The following PDE1B variants were observed in gnomAD, a reference collection of about 807,000 sequenced individuals.
PDE1B encodes dual specificity calcium/calmodulin-dependent 3',5'-cyclic nucleotide phosphodiesterase 1B.
In PDE1B, 13 loss-of-function variants were observed where a neutral mutation model predicts 66.7. The ratio of observed to expected loss-of-function variants is 0.19; its 90% confidence interval spans 0.13 to 0.31. The LOEUF (loss-of-function observed/expected upper bound fraction) is 0.31. PDE1B is among the 10% of genes least tolerant of loss of function. The pLI, the probability that PDE1B is intolerant of heterozygous loss-of-function variation, is 1.00. For synonymous variants in PDE1B, 230 were observed against 253.9 expected, an observed-to-expected ratio of 0.91 and a Z score of 0.90; for missense variants, 485 against 682.3, an observed-to-expected ratio of 0.71 and a Z score of 3.22.
rs776953069 is a variant in PDE1B at position 54,576,611 on chromosome 12, G to T, written c.1417G>T (p.Asp473Tyr). ...GCCCTCTCTGGATGTGGAAGTGGGA[G>T]ACCCCAACCCTGATGTGGTCAGCTT... ...RQPSLDVEVG[D>Y]PNPDVVSFRS... Residue 473 changes from aspartate (D) to tyrosine (Y), a missense_variant, in exon 14 of 16, where the codon GAC becomes TAC. Asp to Tyr is a radical substitution (Grantham distance 160, BLOSUM62 -3). Transcript: ENST00000243052. The T allele has an allele frequency of 2.5e-6, 4 of 1,614,074 alleles. No individual in the cohort carries two copies. The highest frequency in any genetic ancestry group is 3.4e-6 in the Non-Finnish European group (4 of 1,180,014).
At chr12:54,570,661 C>T (rs973427365) in intron 6 of PDE1B, 1 of 305,178 alleles carries the variant, frequency 3.3e-6, no homozygotes, top group South Asian at 4.8e-5. Flanking sequence ...GCAGTGTGGA[C>T]ACTGGAGGCC....
rs774810310 is a variant in PDE1B at position 54,573,870 on chromosome 12, A to AGAGTGTGT, written c.1064+162_1064+163insAGTGTGTG. On this transcript the variant is annotated intron_variant, in intron 10 of 15. Transcript: ENST00000243052. This position sits in a 1 kb window ranked among gnomAD's most constrained non-coding sequence, Gnocchi z 5.2. ...GCATCTCTATGTGAGAGAGAGAGAG[A>AGAGTGTGT]GTGTGTGTGTGTGTGTGTGTGTGTG... 0.028 allele frequency: 13,916 copies of AGAGTGTGT among 497,070 alleles called. 160 individuals are homozygous for AGAGTGTGT. Among genetic ancestry groups the AGAGTGTGT allele is most frequent in the Non-Finnish European group, 0.036 (10,157 of 278,706 alleles). The allele number at this position is 497,070 out of a possible 1,614,324, so 30.8% of individuals were successfully genotyped here.
chr12:54,557,973 A>G (rs2121048292), intron 2 of PDE1B, among the ~76,000 whole-genome samples: 1 of 150,298 alleles, frequency 6.7e-6, no homozygotes, highest in East Asian at 2.0e-4. Context: ...TGGAAAGGTG[A>G]CTCATTTGTG....
rs1957570491 is a variant in PDE1B, at chr12:54,569,046, GAGAA to G, written c.228-131_228-128del. On this transcript the variant is annotated intron_variant, in intron 3 of 15. Coordinates refer to ENST00000243052, the MANE Select transcript of PDE1B (RefSeq NM_000924.4). The surrounding 1 kb of genome is among the most constrained non-coding windows in gnomAD (Gnocchi z 4.4). ...TTAGATAAAGAAATAAAAAGATATA[GAGAA>G]AGAAAGGAAACAGGGTTGAAGACAG... 1 of 1,401,330 alleles carries G rather than the reference GAGAA, an allele frequency of 7.1e-7. No homozygotes were observed. The highest frequency in any genetic ancestry group is 9.5e-7 in the Non-Finnish European group (1 of 1,052,788). 86.8% of individuals were successfully genotyped at this position (1,401,330 alleles called of 1,614,324 possible).
chr12:54,569,941 C>T lies in PDE1B; in HGVS notation c.478-300C>T, dbSNP rs895161209. Reference sequence around the variant, plus strand: ...TCTCGAACTCTTGACCTCAAGTGTTCTGCCCACCTCGGTCTCCCAAAGTAT... The same window carrying T: ...TCTCGAACTCTTGACCTCAAGTGTTTTGCCCACCTCGGTCTCCCAAAGTAT... On this transcript the variant is annotated intron_variant, in intron 5 of 15. Coordinates refer to ENST00000243052, the MANE Select transcript of PDE1B (RefSeq NM_000924.4). The surrounding 1 kb of genome is among the most constrained non-coding windows in gnomAD (Gnocchi z 4.4). Among the ~76,000 whole-genome samples the T allele has an allele frequency of 6.6e-6, 1 of 152,170 alleles. No individual in the cohort carries two copies. Among genetic ancestry groups the T allele is most frequent in the African/African-American group, 2.4e-5 (1 of 41,420 alleles).
Position 54,569,283 on chromosome 12 carries a change from C to T in PDE1B, c.327C>T (p.Ala109=). 6.2e-7 allele frequency: 1 copy of T among 1,614,048 alleles called. No homozygotes were observed. Among genetic ancestry groups the T allele is most frequent in the South Asian group, 1.1e-5 (1 of 91,046 alleles). The change falls in exon 4 of 16, where the codon GCC becomes GCT. Residue 109 remains alanine (A), a synonymous_variant. Transcript: ENST00000243052. This position sits in a 1 kb window ranked among gnomAD's most constrained non-coding sequence, Gnocchi z 4.4. ...DWLASTFTQQ[A]RAKGRRAEEK... Reference sequence around the variant, plus strand: ...TGGCCTCCACCTTCACCCAGCAGGCCCGGGCCAAAGGCCGCCGAGCAGAGG... The same window carrying T: ...TGGCCTCCACCTTCACCCAGCAGGCTCGGGCCAAAGGCCGCCGAGCAGAGG...
At chr12:54,574,604 T>C (rs769897017) in intron 10 of PDE1B, 8 of 152,814 alleles carry the variant, frequency 5.2e-5, no homozygotes, top group Non-Finnish European at 8.7e-5. Flanking sequence ...TACTAACCCG[T>C]GCTGCTACCT....
At chr12:54,576,225 C>A in intron 13 of PDE1B, 125 bp downstream of exon 13, 1 of 691,108 alleles carries the variant, frequency 1.4e-6, no homozygotes, top group South Asian at 1.6e-5. Flanking sequence ...CTGCTTCAAG[C>A]TTGGGAGTCC....
In PDE1B at chr12:54,576,971, C is replaced by G. The variant is rs1028960850; in HGVS notation, c.1508-254C>G. ...CACTGTGGTCCCTGTAAATGGTGCC[C>G]CTGTAGATTTGGCTAATTTGGTGGC... On this transcript the variant is annotated intron_variant, in intron 14 of 15. Coordinates refer to ENST00000243052, the MANE Select transcript of PDE1B (RefSeq NM_000924.4). 4 of 604,086 alleles carry G rather than the reference C, an allele frequency of 6.6e-6. No homozygotes were observed. In the Admixed American group the frequency reaches 1.2e-4, roughly 18 times the overall value. 37.4% of individuals were successfully genotyped at this position (604,086 alleles called of 1,614,324 possible). A position where few individuals can be genotyped will look rare whatever the true frequency, so the allele number is the denominator to read the frequency against.
intron 2 of PDE1B, among the ~76,000 whole-genome samples, chr12:54,566,772 T>C (rs779646153): frequency 3.9e-5 from 6 of 152,036 alleles, no homozygotes; most frequent in Non-Finnish European, 5.9e-5. Flanking sequence ...AAACTTTGGG[T>C]GTAGATAAAC....
At chr12:54,566,605 A>G (rs1957520403) in intron 2 of PDE1B, among the ~76,000 whole-genome samples, 1 of 152,200 alleles carries the variant, frequency 6.6e-6, no homozygotes, top group Non-Finnish European at 1.5e-5. Context: ...TATTCAGGCT[A>G]TGAAACAGAT....
At position 54,549,665 on chromosome 12, in the gene PDE1B, C is replaced by T; in HGVS notation, c.-121C>T. ...CGGTGCGGAGAGCTTGGACTGGGAGCCCAAAGCTCGGCTGGGCAGCGGGAG... is the reference window on the plus strand; with the variant it reads ...CGGTGCGGAGAGCTTGGACTGGGAGTCCAAAGCTCGGCTGGGCAGCGGGAG... On this transcript the variant is annotated 5_prime_UTR_variant, in exon 1 of 16. Coordinates refer to ENST00000243052, the MANE Select transcript of PDE1B (RefSeq NM_000924.4). 1 of 493,614 alleles carries T rather than the reference C, an allele frequency of 2.0e-6. No homozygotes were observed. 30.6% of individuals were successfully genotyped at this position (493,614 alleles called of 1,614,324 possible).
At chr12:54,555,162 T>C (rs1957328174) in intron 2 of PDE1B, among the ~76,000 whole-genome samples, 1 of 152,188 alleles carries the variant, frequency 6.6e-6, no homozygotes, top group African/African-American at 2.4e-5. Flanking sequence ...TTTTTCCCAA[T>C]GGTCAAACTG....
chr12:54,564,368 G>A (rs1006178443), intron 2 of PDE1B, among the ~76,000 whole-genome samples: 10 of 150,600 alleles, frequency 6.6e-5, no homozygotes, highest in Non-Finnish European at 1.2e-4. Context: ...GCAGTGGCTC[G>A]TGTCTGTAAT....
rs36106145 is a variant in PDE1B, at chr12:54,567,340, C to CAA, written c.227+265_227+266dup. ...GCAACATGGCAAGACCCTGTCTCTA[C>CAA]AAAAAAAAAAAAATTAGCCAGGCAT... On this transcript the variant is annotated intron_variant, in intron 3 of 15. Transcript: ENST00000243052. Among the ~76,000 whole-genome samples, 549 of 132,956 alleles carry CAA rather than the reference C, an allele frequency of 4.1e-3. 3 individuals carry two copies. Among genetic ancestry groups the CAA allele is most frequent in the African/African-American group, 0.013 (492 of 36,686 alleles). 87.2% of individuals were successfully genotyped at this position (132,956 alleles called of 152,430 possible).
chr12:54,551,384 T>A (rs1044868907), intron 2 of PDE1B, among the ~76,000 whole-genome samples: 3 of 152,212 alleles, frequency 2.0e-5, no homozygotes, highest in African/African-American at 7.2e-5. Flanking sequence ...TTTGCTGGGC[T>A]CTATGAAGCA....
At chr12:54,568,512 G>A (rs903459845) in intron 3 of PDE1B, among the ~76,000 whole-genome samples, 3 of 109,038 alleles carry the variant, frequency 2.8e-5, no homozygotes, top group Admixed American at 9.4e-5. Flanking sequence ...ACACACACAC[G>A]GTTTCATGTT....
chr12:54,574,495 T>G (rs555261475), intron 10 of PDE1B: 1 of 152,322 alleles, frequency 6.6e-6, no homozygotes, highest in Non-Finnish European at 1.5e-5. Flanking sequence ...AAATGAAATA[T>G]GGAAATTTTA....
At chr12:54,554,592 G>A (rs1957320918) in intron 2 of PDE1B, among the ~76,000 whole-genome samples, 1 of 152,178 alleles carries the variant, frequency 6.6e-6, no homozygotes, top group Admixed American at 6.5e-5. Flanking sequence ...TTAAGTTGAA[G>A]GGAAGGTGCA....
Sources: gnomAD v4.1 joint callset for allele counts (sites outside exome capture counted in the v4.1 genomes callset) on GRCh38, gnomAD v4.1.1 for gene constraint, Gnocchi (gnomAD v3.1) non-coding constraint, MANE v1.5 for transcripts, NCBI Gene and HGNC (gene_info 2026-07-23, HGNC 2026-07-21) for gene names.